Variants in AP3B1 observed in about 807,000 individuals in gnomAD.
The protein encoded by AP3B1 is adaptor related protein complex 3 subunit beta 1, also known as AP-3 complex subunit beta-1.
In AP3B1, 61 loss-of-function variants were observed where a neutral mutation model predicts 132.5. That is an observed-to-expected ratio of 0.46 (90% CI 0.37 to 0.57). The LOEUF is 0.57. AP3B1 is among the 20% of genes least tolerant of loss of function. The probability of loss-of-function intolerance (pLI) is 0.00; values close to 1 mark genes in which losing one functional copy is unlikely to be tolerated. For synonymous variants in AP3B1, 388 were observed against 438.3 expected, an observed-to-expected ratio of 0.89 and a Z score of 1.43; for missense variants, 1,120 against 1,289.4, an observed-to-expected ratio of 0.87 and a Z score of 2.01.
intron 22 of AP3B1, among the ~76,000 whole-genome samples, chr5:78,068,179 C>T (rs1749374475): frequency 6.6e-6 from 1 of 152,156 alleles, no homozygotes; most frequent in South Asian, 2.1e-4. Context: ...ACAAAATTAG[C>T]TGGGCATGGT....
At chr5:78,114,175 C>T (rs1478058102) in intron 18 of AP3B1, among the ~76,000 whole-genome samples, 1 of 152,084 alleles carries the variant, frequency 6.6e-6, no homozygotes, top group Non-Finnish European at 1.5e-5. Flanking sequence ...AAAGGTGAAC[C>T]AAGTAAACCA....
intron 14 of AP3B1, among the ~76,000 whole-genome samples, chr5:78,151,856 TTCC>T (rs1414663680): frequency 1.4e-4 from 4 of 28,758 alleles, no homozygotes; most frequent in Non-Finnish European, 1.9e-4. Context: ...CCCCTCCCCC[TTCC>T]CCTCCCCCTC....
intron 1 of AP3B1, among the ~76,000 whole-genome samples, chr5:78,287,995 C>G (rs1749353674): frequency 6.6e-6 from 1 of 152,088 alleles, no homozygotes; most frequent in African/African-American, 2.4e-5. Flanking sequence ...TAGCAGCAAC[C>G]CTGAACTCCT....
At chr5:78,220,397 A>G (rs192060086) in intron 6 of AP3B1, among the ~76,000 whole-genome samples, 66 of 151,994 alleles carry the variant, frequency 4.3e-4, no homozygotes, top group African/African-American at 1.5e-3. Context: ...CAAATTATAT[A>G]TAAGTAGAAA....
At chr5:78,224,780 C>T (rs1203749941) in intron 6 of AP3B1, among the ~76,000 whole-genome samples, 1 of 151,802 alleles carries the variant, frequency 6.6e-6, no homozygotes, top group Non-Finnish European at 1.5e-5. Flanking sequence ...TTTACAATGA[C>T]AAAAGGAAGA....
At chr5:78,061,154 T>C (rs1232546559) in intron 22 of AP3B1, among the ~76,000 whole-genome samples, 1 of 152,002 alleles carries the variant, frequency 6.6e-6, no homozygotes, top group Non-Finnish European at 1.5e-5. Flanking sequence ...AAAACACTTC[T>C]CTTATGATTT....
At chr5:78,186,813 G>A (rs538911593) in intron 7 of AP3B1, among the ~76,000 whole-genome samples, 4 of 152,122 alleles carry the variant, frequency 2.6e-5, no homozygotes, top group Admixed American at 1.3e-4. Flanking sequence ...CCCTTGCTAG[G>A]TGCCTACAGA....
intron 19 of AP3B1, among the ~76,000 whole-genome samples, chr5:78,111,619 C>T (rs191949737): frequency 2.0e-5 from 3 of 152,208 alleles, no homozygotes; most frequent in East Asian, 1.9e-4. Flanking sequence ...GGCAGGGAAA[C>T]AGTTCTCCAA....
At chr5:78,082,542 A>G (rs1045986690) in intron 22 of AP3B1, among the ~76,000 whole-genome samples, 1 of 152,230 alleles carries the variant, frequency 6.6e-6, no homozygotes, top group Non-Finnish European at 1.5e-5. Flanking sequence ...CATTTTGTAA[A>G]TTAAAAAACG....
At position 78,026,104 on chromosome 5, in the gene AP3B1, A is replaced by C. The variant is rs574231816; in HGVS notation, c.2895-5315T>G. On this transcript the variant is annotated intron_variant, in intron 24 of 26. Transcript: ENST00000255194. ...TTTTTTCTTCACAACCCCTTTGATTAAACAGGGGAGAGACAGATTATCTCC... is the reference window on the plus strand; with the variant it reads ...TTTTTTCTTCACAACCCCTTTGATTCAACAGGGGAGAGACAGATTATCTCC... Among the ~76,000 whole-genome samples the C allele has an allele frequency of 4.6e-5, 7 of 152,124 alleles. No individual in the cohort carries two copies. In the South Asian group the frequency reaches 6.2e-4, roughly 14 times the overall value.
At chr5:78,230,260 T>C (rs1340782296) in intron 3 of AP3B1, among the ~76,000 whole-genome samples, 2 of 152,246 alleles carry the variant, frequency 1.3e-5, no homozygotes, top group Non-Finnish European at 2.9e-5. Flanking sequence ...CAACACATCT[T>C]GGCACCCTGT....
chr5:78,175,396 TA>T (rs1744106333), intron 11 of AP3B1, among the ~76,000 whole-genome samples: 2 of 152,238 alleles, frequency 1.3e-5, no homozygotes. Flanking sequence ...TCTCCTTCAG[TA>T]ATCTGTGAGT....
intron 2 of AP3B1, among the ~76,000 whole-genome samples, chr5:78,256,575 A>C (rs1747857576): frequency 6.6e-6 from 1 of 152,088 alleles, no homozygotes. Flanking sequence ...CTTAACTGCT[A>C]AATTCTACCA....
At position 78,087,574 on chromosome 5, in the gene AP3B1, G is replaced by T. The variant is rs1206301328; in HGVS notation, c.2577+1819C>A. The stretch of plus-strand genomic sequence containing the variant: ...CGCTACTTGTTTGATCATTTTGTTA[G>T]CTTTTGGGGAGTGAGTGTTGTGGTC... On this transcript the variant is annotated intron_variant, in intron 22 of 26. Coordinates refer to ENST00000255194, the MANE Select transcript of AP3B1 (RefSeq NM_003664.5). 5.1e-6 allele frequency: 5 copies of T among 985,220 alleles called. No homozygotes were observed. The African/African-American group carries it at 8.7e-5, about 17-fold the overall frequency. The allele number at this position is 985,220 out of a possible 1,614,324, so 61.0% of individuals were successfully genotyped here. A position where few individuals can be genotyped will look rare whatever the true frequency, so the allele number is the denominator to read the frequency against.
intron 7 of AP3B1, among the ~76,000 whole-genome samples, chr5:78,202,247 T>C (rs937310084): frequency 6.6e-6 from 1 of 152,198 alleles, no homozygotes; most frequent in Non-Finnish European, 1.5e-5. Context: ...TAAACCTTTT[T>C]CTTTTGTAAA....
intron 19 of AP3B1, 102 bp from the exon 20 acceptor site, chr5:78,110,456 T>A: frequency 1.2e-6 from 1 of 811,676 alleles, no homozygotes; most frequent in Non-Finnish European, 1.9e-6. Context: ...AATGAGGTAA[T>A]AAAAAAGGTA....
intron 22 of AP3B1, among the ~76,000 whole-genome samples, chr5:78,068,583 C>T (rs1476769012): frequency 6.6e-6 from 1 of 152,132 alleles, no homozygotes; most frequent in Non-Finnish European, 1.5e-5. Flanking sequence ...AACAGATCAA[C>T]AAGTTCTGAA....
In AP3B1 at chr5:78,175,954, T is replaced by A. The variant is rs1744131580; in HGVS notation, c.1041-116A>T. ...ATTTCAAGTGAATGAGACTCTTAAA[T>A]GTAATAATGAAAAGTTTTTAGTAAA... is the stretch of plus-strand genomic sequence containing the variant. On this transcript the variant is annotated intron_variant, in intron 9 of 26. Coordinates refer to ENST00000255194, the MANE Select transcript of AP3B1 (RefSeq NM_003664.5). The A allele has an allele frequency of 3.5e-6, 3 of 846,344 alleles. No individual in the cohort carries two copies. In the Admixed American group the frequency reaches 6.0e-5, roughly 17 times the overall value. 52.4% of individuals were successfully genotyped at this position (846,344 alleles called of 1,614,324 possible).
intron 22 of AP3B1, among the ~76,000 whole-genome samples, chr5:78,069,733 C>T (rs1413750336): frequency 1.3e-5 from 2 of 152,176 alleles, no homozygotes; most frequent in South Asian, 2.1e-4. Context: ...ACATTCTTCA[C>T]AAAATTAGTA....
Sources: allele counts gnomAD v4.1 joint callset (sites outside exome capture counted in the v4.1 genomes callset), GRCh38; gene constraint gnomAD v4.1.1; transcripts MANE v1.5; gene names NCBI Gene and HGNC (gene_info 2026-07-23, HGNC 2026-07-21).